ZNF713: variants seen among roughly 807,000 people sequenced by gnomAD.
The protein encoded by ZNF713 is zinc finger protein 713.
A neutral mutation model predicts 28.7 loss-of-function variants in ZNF713; 21 were observed. The ratio of observed to expected loss-of-function variants is 0.73; its 90% confidence interval spans 0.52 to 1.05. ZNF713 has a LOEUF of 1.05. Among genes scored for constraint, ZNF713 ranks in the 50% least tolerant of loss-of-function variants. The probability of loss-of-function intolerance (pLI) is 0.00; values close to 1 mark genes in which losing one functional copy is unlikely to be tolerated. For synonymous variants in ZNF713, 167 were observed against 178.0 expected (o/e 0.94, Z 0.49); for missense variants, 458 against 532.4 (o/e 0.86, Z 1.37).
chr7:55,915,163 C>T (rs1054985439), intron 4 of ZNF713, among the ~76,000 whole-genome samples: 2 of 152,196 alleles, frequency 1.3e-5, no homozygotes, highest in Admixed American at 1.3e-4. Flanking sequence ...CTGTAAGACT[C>T]CCCAAAGACA....
intron 1 of ZNF713, among the ~76,000 whole-genome samples, chr7:55,890,849 A>G (rs1036212192): frequency 2.6e-5 from 4 of 151,876 alleles, no homozygotes; most frequent in Non-Finnish European, 5.9e-5. Context: ...GTGAAACCCC[A>G]TCTCCTAAAA....
chr7:55,919,526 G>A (rs1264154967), intron 4 of ZNF713, among the ~76,000 whole-genome samples: 1 of 39,300 alleles, frequency 2.5e-5, no homozygotes, highest in Non-Finnish European at 6.0e-5. Context: ...TTTTTTTTGA[G>A]ATGAAGTCTT....
intron 6 of ZNF713, among the ~76,000 whole-genome samples, chr7:55,925,318 C>G (rs1786075825): frequency 6.6e-6 from 1 of 152,132 alleles, no homozygotes; most frequent in Non-Finnish European, 1.5e-5. Flanking sequence ...TCTAAGTGAT[C>G]TTAGGTAGAA....
At chr7:55,911,304 CAT>C (rs770016955) in intron 2 of ZNF713, among the ~76,000 whole-genome samples, 5 of 152,136 alleles carry the variant, frequency 3.3e-5, no homozygotes, top group Non-Finnish European at 4.4e-5. Context: ...GTTGTTGAAA[CAT>C]GTGTTTTTCC....
At chr7:55,933,842 C>G (rs903272950) in intron 6 of ZNF713, among the ~76,000 whole-genome samples, 2 of 152,074 alleles carry the variant, frequency 1.3e-5, no homozygotes, top group African/African-American at 2.4e-5. Flanking sequence ...GTAACTGGGA[C>G]TATAGGTGCG....
intron 1 of ZNF713, among the ~76,000 whole-genome samples, chr7:55,905,651 C>CATGGT: frequency 6.6e-6 from 1 of 152,168 alleles, no homozygotes; most frequent in South Asian, 2.1e-4. Flanking sequence ...CATTGCAGGG[C>CATGGT]GCACATGTTT....
At chr7:55,931,475 T>C (rs1439324457) in intron 6 of ZNF713, among the ~76,000 whole-genome samples, 1 of 152,160 alleles carries the variant, frequency 6.6e-6, no homozygotes, top group African/African-American at 2.4e-5. Flanking sequence ...ACCAAAAATA[T>C]GATGATGCTT....
intron 4 of ZNF713, among the ~76,000 whole-genome samples, chr7:55,915,044 G>A (rs1212172845): frequency 1.3e-5 from 2 of 152,056 alleles, no homozygotes; most frequent in Admixed American, 6.6e-5. Flanking sequence ...TAGTAGAGAC[G>A]GGGTTTCACC....
intron 6 of ZNF713, among the ~76,000 whole-genome samples, chr7:55,927,931 ATGGAGC>A (rs1786134494): frequency 7.2e-6 from 1 of 139,056 alleles, no homozygotes; most frequent in African/African-American, 2.7e-5. Flanking sequence ...GCCACAAGAG[ATGGAGC>A]AAGGTTCTAG....
chr7:55,892,858 T>G (rs1187408903), intron 1 of ZNF713, among the ~76,000 whole-genome samples: 21 of 117,516 alleles, frequency 1.8e-4, no homozygotes, highest in South Asian at 2.8e-4. Flanking sequence ...GCAACAAGAG[T>G]GAAATTGTTT....
At chr7:55,901,702 A>G (rs935761112) in intron 1 of ZNF713, among the ~76,000 whole-genome samples, 1 of 152,110 alleles carries the variant, frequency 6.6e-6, no homozygotes, top group Non-Finnish European at 1.5e-5. Context: ...CCAACCCTCC[A>G]CCCCTTGCCC....
chr7:55,895,571 C>T (rs1024099972), intron 1 of ZNF713, among the ~76,000 whole-genome samples: 1 of 146,280 alleles, frequency 6.8e-6, no homozygotes, highest in Non-Finnish European at 1.5e-5. Context: ...TGGTTTCAAG[C>T]GATTCTCCTG....
At chr7:55,896,243 A>C (rs1173670710) in intron 1 of ZNF713, among the ~76,000 whole-genome samples, 1 of 152,206 alleles carries the variant, frequency 6.6e-6, no homozygotes, top group Non-Finnish European at 1.5e-5. Context: ...CAAAGGAAGG[A>C]TGTAACCACA....
chr7:55,909,196 C>CAA lies in ZNF713; in HGVS notation c.-455-2397_-455-2396dup, dbSNP rs71015121. On this transcript the variant is annotated intron_variant, in intron 2 of 6. Transcript: ENST00000429591. ...CCTGGTCAACAGAGCAAGACTCCGTCAAAAAAAAAAAAAAAAAAAAAAAAG... is the reference window on the plus strand; with the variant it reads ...CCTGGTCAACAGAGCAAGACTCCGTCAAAAAAAAAAAAAAAAAAAAAAAAAAG... Among the ~76,000 whole-genome samples the CAA allele has an allele frequency of 2.6e-3, 139 of 53,256 alleles. 1 individual carries two copies. The highest frequency in any genetic ancestry group is 9.1e-3 in the Middle Eastern group (1 of 110). 34.9% of individuals were successfully genotyped at this position (53,256 alleles called of 152,430 possible). A position where few individuals can be genotyped will look rare whatever the true frequency, so the allele number is the denominator to read the frequency against.
chr7:55,913,939 T>A (rs1323887275), intron 4 of ZNF713, among the ~76,000 whole-genome samples: 1 of 151,976 alleles, frequency 6.6e-6, no homozygotes, highest in Non-Finnish European at 1.5e-5. Context: ...GGTGAAACCC[T>A]GTCTCTACTA....
chr7:55,924,256 A>G (rs1786052072), intron 6 of ZNF713: 1 of 152,060 alleles, frequency 6.6e-6, no homozygotes, highest in Admixed American at 6.6e-5. Flanking sequence ...TACTACTAAC[A>G]TTGTTTTCTT....
chr7:55,890,719 G>C (rs1245136956), intron 1 of ZNF713, among the ~76,000 whole-genome samples: 1 of 151,952 alleles, frequency 6.6e-6, no homozygotes, highest in Middle Eastern at 3.2e-3. Context: ...ATACACAGGA[G>C]AATCAAATAT....
intron 5 of ZNF713, 35 bp downstream of exon 5, chr7:55,923,323 T>A: frequency 6.3e-7 from 1 of 1,582,426 alleles, no homozygotes; most frequent in Non-Finnish European, 8.6e-7. Context: ...CGGAAGCCGT[T>A]CACGTGGGTT....
At chr7:55,888,018 A>G (rs999273063) in intron 1 of ZNF713, among the ~76,000 whole-genome samples, 2 of 151,898 alleles carry the variant, frequency 1.3e-5, no homozygotes, top group African/African-American at 4.8e-5. Flanking sequence ...TACCCGTTCC[A>G]ATATTATAAA....
Sources: gnomAD v4.1 joint callset for allele counts (sites outside exome capture counted in the v4.1 genomes callset) on GRCh38, gnomAD v4.1.1 for gene constraint, MANE v1.5 for transcripts, NCBI Gene and HGNC (gene_info 2026-07-23, HGNC 2026-07-21) for gene names.